The following SYN3 variants were observed in gnomAD, a reference collection of about 807,000 sequenced individuals.
The protein encoded by SYN3 is synapsin III.
A neutral mutation model predicts 65.8 loss-of-function variants in SYN3; 35 were observed. The observed-to-expected ratio is 0.53, with a 90% CI of 0.41 to 0.70. SYN3 has a LOEUF of 0.70. SYN3 is among the 30% of genes least tolerant of loss of function. SYN3 has a pLI of 0.00. For synonymous variants in SYN3, 270 were observed against 292.9 expected (o/e 0.92, Z 0.80); for missense variants, 680 against 749.0 (o/e 0.91, Z 1.08).
chr22:32,684,729 C>A (rs576574632), intron 6 of SYN3, among the ~76,000 whole-genome samples: 1 of 152,270 alleles, frequency 6.6e-6, no homozygotes, highest in Admixed American at 6.5e-5. Flanking sequence ...CACTGCTACA[C>A]GTTCATGAAA....
chr22:32,846,671 TCAGGCTCCAGAGAC>T (rs977022226), intron 6 of SYN3, among the ~76,000 whole-genome samples: 1 of 152,244 alleles, frequency 6.6e-6, no homozygotes, highest in Non-Finnish European at 1.5e-5. Flanking sequence ...ACCCTGGCTC[TCAGGCTCCAGAGAC>T]CAGGCTCTTT....
intron 4 of SYN3, among the ~76,000 whole-genome samples, chr22:32,920,255 C>A (rs746051751): frequency 6.6e-6 from 1 of 152,198 alleles, no homozygotes; most frequent in Non-Finnish European, 1.5e-5. Context: ...TCTGCCTCCT[C>A]GGGTGTTTTT....
chr22:32,914,536 C>T (rs191817095), intron 4 of SYN3, among the ~76,000 whole-genome samples: 136 of 151,236 alleles, frequency 9.0e-4, no homozygotes, highest in Admixed American at 2.1e-3. Flanking sequence ...CTCCCAGGTT[C>T]GTGCCATTCT....
At chr22:32,720,682 C>T (rs564262775) in intron 6 of SYN3, among the ~76,000 whole-genome samples, 54 of 152,362 alleles carry the variant, frequency 3.5e-4, no homozygotes, top group African/African-American at 1.3e-3. Flanking sequence ...GTCCATAAAC[C>T]CGGCCTTGTG....
chr22:32,808,779 T>G (rs2046833510), intron 6 of SYN3, among the ~76,000 whole-genome samples: 1 of 152,208 alleles, frequency 6.6e-6, no homozygotes, highest in Non-Finnish European at 1.5e-5. Flanking sequence ...GCCCATATTT[T>G]AAGCATGCTG....
intron 6 of SYN3, among the ~76,000 whole-genome samples, chr22:32,821,587 T>C (rs2047247392): frequency 6.6e-6 from 1 of 152,130 alleles, no homozygotes; most frequent in Non-Finnish European, 1.5e-5. Context: ...AATCACAGAA[T>C]TAAGATGATC....
At position 32,801,672 on chromosome 22, in the gene SYN3, C is replaced by T. The variant is rs886057430; in HGVS notation, c.711+63243G>A. 1.5e-4 allele frequency: 25 copies of T among 170,066 alleles called. No individual in the cohort carries two copies. The highest frequency in any genetic ancestry group is 3.8e-4 in the Admixed American group (6 of 15,668). The allele number at this position is 170,066 out of a possible 1,614,324, so 10.5% of individuals were successfully genotyped here. ...CGAGGCGGGGTCCCCGGGGGCCCAG[C>T]GCTATATCACTCGGCCGCCCAGGCA... On this transcript the variant is annotated intron_variant, in intron 6 of 13. Coordinates refer to ENST00000358763, the MANE Select transcript of SYN3 (RefSeq NM_003490.4). This position sits in a 1 kb window ranked among gnomAD's most constrained non-coding sequence, Gnocchi z 4.7.
At chr22:32,517,337 G>C (rs554562677) in intron 13 of SYN3, among the ~76,000 whole-genome samples, 1 of 152,294 alleles carries the variant, frequency 6.6e-6, no homozygotes, top group African/African-American at 2.4e-5. Context: ...TTAGCCTTGG[G>C]GAGGATGAGA....
At chr22:32,777,236 C>G (rs547550836) in intron 6 of SYN3, among the ~76,000 whole-genome samples, 4 of 152,114 alleles carry the variant, frequency 2.6e-5, no homozygotes, top group African/African-American at 9.7e-5. Context: ...AAGCATCCTT[C>G]GTGTCCCAGC....
chr22:32,514,081 A>C (rs1341767011), intron 13 of SYN3, among the ~76,000 whole-genome samples: 1 of 152,194 alleles, frequency 6.6e-6, no homozygotes, highest in Non-Finnish European at 1.5e-5. Flanking sequence ...TCCTCACAGC[A>C]AGTAATGGGG....
intron 6 of SYN3, among the ~76,000 whole-genome samples, chr22:32,854,060 T>C (rs2146268463): frequency 6.6e-6 from 1 of 152,332 alleles, no homozygotes; most frequent in African/African-American, 2.4e-5. Flanking sequence ...TATAAACCTA[T>C]TATAACTCTC....
At chr22:32,914,721 C>T (rs989491403) in intron 4 of SYN3, among the ~76,000 whole-genome samples, 6 of 152,036 alleles carry the variant, frequency 3.9e-5, no homozygotes, top group South Asian at 2.1e-4. Context: ...GAATTACAGA[C>T]GTGAACCACC....
At chr22:32,898,186 G>A (rs540729802) in intron 4 of SYN3, among the ~76,000 whole-genome samples, 1 of 152,282 alleles carries the variant, frequency 6.6e-6, no homozygotes, top group Non-Finnish European at 1.5e-5. Flanking sequence ...AGTAGAGACG[G>A]AGTTTCACCA....
intron 10 of SYN3, among the ~76,000 whole-genome samples, chr22:32,530,998 A>AT (rs1438095230): frequency 6.6e-6 from 1 of 151,634 alleles, no homozygotes; most frequent in African/African-American, 2.4e-5. Context: ...GGAAACTAGG[A>AT]TCCCTCAGGC....
intron 4 of SYN3, among the ~76,000 whole-genome samples, chr22:32,870,248 G>T (rs1202802508): frequency 6.6e-6 from 1 of 152,070 alleles, no homozygotes; most frequent in Non-Finnish European, 1.5e-5. Flanking sequence ...AACAACCTTT[G>T]TATATACATT....
chr22:32,969,975 C>T (rs2051968295), intron 3 of SYN3, among the ~76,000 whole-genome samples: 1 of 152,130 alleles, frequency 6.6e-6, no homozygotes, highest in Non-Finnish European at 1.5e-5. Flanking sequence ...TTTTTTATCC[C>T]ACAAACTGCA....
chr22:33,015,372 T>C, intron 1 of SYN3: 1 of 494,216 alleles, frequency 2.0e-6, no homozygotes. Flanking sequence ...ACAGGGCGAA[T>C]TTGTAATGAA....
intron 3 of SYN3, among the ~76,000 whole-genome samples, chr22:32,970,005 A>G (rs554941681): frequency 2.6e-5 from 4 of 152,352 alleles, no homozygotes; most frequent in African/African-American, 9.6e-5. Context: ...TCTTCAGTGC[A>G]TGGATTATAT....
intron 7 of SYN3, among the ~76,000 whole-genome samples, chr22:32,554,983 G>C (rs2710383): frequency 0.11 from 17,361 of 152,236 alleles, 1,068 homozygotes; most frequent in South Asian, 0.15. Context: ...TGCACTAAAA[G>C]AGCACCTGGC....
Sources: allele counts gnomAD v4.1 joint callset (sites outside exome capture counted in the v4.1 genomes callset), GRCh38; gene constraint gnomAD v4.1.1; non-coding constraint Gnocchi (gnomAD v3.1); transcripts MANE v1.5; gene names NCBI Gene and HGNC (gene_info 2026-07-23, HGNC 2026-07-21).